The following BTNL3 variants were observed in gnomAD, a reference collection of about 807,000 sequenced individuals.
BTNL3 encodes the protein butyrophilin-like protein 3.
In BTNL3, 20 loss-of-function variants were observed where a neutral mutation model predicts 40.1. The observed-to-expected ratio is 0.50, with a 90% CI of 0.35 to 0.72. The LOEUF is 0.72. BTNL3 is among the 30% of genes least tolerant of loss of function. BTNL3 has a pLI of 0.01. For synonymous variants in BTNL3, 179 were observed against 222.1 expected (o/e 0.81, Z 1.73); for missense variants, 449 against 582.2 (o/e 0.77, Z 2.35).
intron 2 of BTNL3, among the ~76,000 whole-genome samples, chr5:180,994,358 T>G (rs1456555154): frequency 7.3e-6 from 1 of 137,608 alleles, no homozygotes; most frequent in Middle Eastern, 3.5e-3. Flanking sequence ...TTGCCAGATA[T>G]AGAATTTCTG....
intron 3 of BTNL3, among the ~76,000 whole-genome samples, chr5:181,002,341 C>T (rs1424846535): frequency 1.2e-5 from 1 of 81,196 alleles, no homozygotes; most frequent in East Asian, 3.4e-4. Context: ...CCTCATTAGA[C>T]ATAGACACAC....
chr5:181,004,030 T>G, intron 5 of BTNL3, 154 bp downstream of exon 5: 2 of 1,528,260 alleles, frequency 1.3e-6, no homozygotes, highest in Non-Finnish European at 1.8e-6. Flanking sequence ...CCACTGCTCA[T>G]GAGTTACCCC....
At chr5:181,005,289 C>T (rs753340237) in intron 7 of BTNL3, 45 bp from the exon 8 acceptor site, 6 of 1,601,900 alleles carry the variant, frequency 3.7e-6, no homozygotes, top group Middle Eastern at 2.3e-4. Context: ...GCCCAGATTT[C>T]GTCTTCAGTA....
rs2113091623 is a variant in BTNL3, at chr5:181,005,833, G to C, written c.1362G>C (p.Lys454Asn). 1.2e-6 allele frequency: 2 copies of C among 1,613,162 alleles called. No homozygotes were observed. Among genetic ancestry groups the C allele is most frequent in the East Asian group, 4.5e-5 (2 of 44,876 alleles). The change falls in exon 8 of 8, where the codon AAG becomes AAC. Residue 454 changes from lysine (K) to asparagine (N), a missense_variant. This residue lies in a region of BTNL3 where 126 missense variants were observed against 117.2 expected (regional missense o/e 1.07). Transcript: ENST00000342868. ...AGCATGCGATGTATGACGAGGAAAA[G>C]GGGACTCCCATATTCATATGTCCAG... ...YIQHAMYDEEKGTPIFICPVS... is the reference protein window; with the variant it reads ...YIQHAMYDEENGTPIFICPVS...
chr5:180,988,929 C>T lies in BTNL3; in HGVS notation c.-100C>T, dbSNP rs948824270. 84 of 1,278,132 alleles carry T rather than the reference C, an allele frequency of 6.6e-5. 20 individuals are homozygous for T. The highest frequency in any genetic ancestry group is 1.9e-4 in the Middle Eastern group (1 of 5,148). 79.2% of individuals were successfully genotyped at this position (1,278,132 alleles called of 1,614,324 possible). A position where few individuals can be genotyped will look rare whatever the true frequency, so the allele number is the denominator to read the frequency against. On this transcript the variant is annotated 5_prime_UTR_variant, in exon 1 of 8. In the 5' UTR this introduces an upstream ATG that the reference lacks. Coordinates refer to ENST00000342868, the MANE Select transcript of BTNL3 (RefSeq NM_197975.3). ...ACATCGTTCATGAAGAGCCTCTCCACGGCTCCTGCGCCTGAGACAGCTGGC... is the reference window on the plus strand; with the variant it reads ...ACATCGTTCATGAAGAGCCTCTCCATGGCTCCTGCGCCTGAGACAGCTGGC...
In BTNL3 at chr5:181,005,670, C is replaced by G. The variant is rs1760214558; in HGVS notation, c.1199C>G (p.Pro400Arg). 6.2e-7 allele frequency: 1 copy of G among 1,614,106 alleles called. No homozygotes were observed. Among genetic ancestry groups the G allele is most frequent in the Non-Finnish European group, 8.5e-7 (1 of 1,180,008 alleles). ...AATCCCCATTTTATCAGCCTCCCCCCCAGCACCCCTCCTACACGAGTAGGG... is the reference window on the plus strand; with the variant it reads ...AATCCCCATTTTATCAGCCTCCCCCGCAGCACCCCTCCTACACGAGTAGGG... The part of the protein sequence containing the change: ...TFNPHFISLP[P>R]STPPTRVGVF... Residue 400 changes from proline (P) to arginine (R), a missense_variant, in exon 8 of 8, where the codon CCC (proline) becomes CGC (arginine). Around this residue, in one of 2 missense-constraint regions of BTNL3, gnomAD observed 126 missense variants for 117.2 expected, o/e 1.07. Transcript: ENST00000342868.
intron 7 of BTNL3, 69 bp from the exon 8 acceptor site, chr5:181,005,265 G>A (rs1048565186): frequency 1.6e-5 from 25 of 1,592,052 alleles, no homozygotes; most frequent in African/African-American, 6.7e-5. Context: ...TGGGAGGGTC[G>A]ACCTCTTGCT....
chr5:180,993,869 C>T (rs1389445180), intron 2 of BTNL3, among the ~76,000 whole-genome samples: 1 of 136,924 alleles, frequency 7.3e-6, no homozygotes, highest in African/African-American at 2.5e-5. Context: ...GGTGTGATCT[C>T]AGCTCACTGC....
At chr5:181,004,376 C>T (rs1377295794) in intron 5 of BTNL3, 41 bp from the exon 6 acceptor site, 2 of 932,010 alleles carry the variant, frequency 2.1e-6, no homozygotes, top group East Asian at 5.1e-5. Flanking sequence ...TCTGTGACGT[C>T]AGCCTCTTAC....
intron 3 of BTNL3, 107 bp from the exon 4 acceptor site, chr5:181,002,565 T>A: frequency 9.7e-7 from 1 of 1,026,252 alleles, no homozygotes; most frequent in Non-Finnish European, 1.3e-6. Context: ...GTGGAAGAAA[T>A]GAGAGAAAAA....
chr5:181,002,260 G>A (rs1760123210), intron 3 of BTNL3, among the ~76,000 whole-genome samples: 1 of 128,122 alleles, frequency 7.8e-6, no homozygotes, highest in East Asian at 2.3e-4. Flanking sequence ...AGTGTGTAAA[G>A]CAAGGTCCAC....
Position 180,988,940 on chromosome 5 carries a change from C to T in BTNL3, c.-89C>T. 1 of 1,345,920 alleles carries T rather than the reference C, an allele frequency of 7.4e-7. No individual in the cohort carries two copies. The highest frequency in any genetic ancestry group is 1.0e-6 in the Non-Finnish European group (1 of 981,484). 83.4% of individuals were successfully genotyped at this position (1,345,920 alleles called of 1,614,324 possible). On this transcript the variant is annotated 5_prime_UTR_variant, in exon 1 of 8. Transcript: ENST00000342868. The stretch of plus-strand genomic sequence containing the variant: ...GAAGAGCCTCTCCACGGCTCCTGCG[C>T]CTGAGACAGCTGGCCTGACCTCCAA...
rs377047279 is a variant in BTNL3, at chr5:180,992,924, G to C, written c.161G>C (p.Arg54Pro). The C allele has an allele frequency of 3.4e-6, 5 of 1,463,006 alleles. 1 individual carries two copies. In the African/African-American group the frequency reaches 6.9e-5, roughly 20 times the overall value. The allele number at this position is 1,463,006 out of a possible 1,614,324, so 90.6% of individuals were successfully genotyped here. ...PETSAEAMEV[R>P]FFRNQFHAVV... Reference sequence around the variant, plus strand: ...ACCAGTGCAGAGGCTATGGAAGTGCGGTTCTTCAGGAATCAGTTCCATGCT... The same window carrying C: ...ACCAGTGCAGAGGCTATGGAAGTGCCGTTCTTCAGGAATCAGTTCCATGCT... Residue 54 changes from arginine to proline, a missense_variant, in exon 2 of 8, where the codon CGG (arginine) becomes CCG (proline). Arg to Pro is a moderately radical substitution (Grantham distance 103, BLOSUM62 -2). Around this residue, in one of 2 missense-constraint regions of BTNL3, gnomAD observed 323 missense variants for 464.9 expected, o/e 0.69. Coordinates refer to ENST00000342868, the MANE Select transcript of BTNL3 (RefSeq NM_197975.3).
chr5:181,005,504 G>A lies in BTNL3; in HGVS notation c.1033G>A (p.Val345Met). ...CCAAGCAGGGAAACATTACTGGGAG[G>A]TGGACGTGGGACAAAATGTAGGGTG... ...GFQAGKHYWE[V>M]DVGQNVGWYV... Residue 345 changes from valine to methionine, a missense_variant, in exon 8 of 8, where the codon GTG (valine) becomes ATG (methionine). Val to Met is a conservative substitution (Grantham distance 21, BLOSUM62 1). Coordinates refer to ENST00000342868, the MANE Select transcript of BTNL3 (RefSeq NM_197975.3). 1 of 1,614,176 alleles carries A rather than the reference G, an allele frequency of 6.2e-7. No individual in the cohort carries two copies. The highest frequency in any genetic ancestry group is 1.1e-5 in the South Asian group (1 of 91,084).
rs1258962246 is a variant in BTNL3 at position 181,005,459 on chromosome 5, G to A, written c.988G>A (p.Val330Met). Residue 330 changes from valine (V) to methionine (M), a missense_variant, in exon 8 of 8, where the codon GTG (valine) becomes ATG (methionine). Around this residue, in one of 2 missense-constraint regions of BTNL3, gnomAD observed 323 missense variants for 464.9 expected, o/e 0.69. Transcript: ENST00000342868. ...TGAGAAGAGATTTACAAGGAAGAGT[G>A]TGGTGGCTTCTCAGGGTTTCCAAGC... ...HSEKRFTRKS[V>M]VASQGFQAGK... The A allele has an allele frequency of 4.3e-6, 7 of 1,614,018 alleles. No individual in the cohort carries two copies. Among genetic ancestry groups the A allele is most frequent in the African/African-American group, 4.0e-5 (3 of 74,888 alleles).
At chr5:181,001,499 A>AG (rs1760107358) in intron 3 of BTNL3, among the ~76,000 whole-genome samples, 1 of 83,260 alleles carries the variant, frequency 1.2e-5, no homozygotes, top group Non-Finnish European at 2.5e-5. Flanking sequence ...ATTTTTATAG[A>AG]TGGGGGGGGG....
Position 180,997,301 on chromosome 5 carries a change from G to A in BTNL3, c.486G>A (p.Gln162=). 8 of 1,464,660 alleles carry A rather than the reference G, an allele frequency of 5.5e-6. 3 individuals carry two copies. Among genetic ancestry groups the A allele is most frequent in the Non-Finnish European group, 7.6e-6 (8 of 1,059,500 alleles). 90.7% of individuals were successfully genotyped at this position (1,464,660 alleles called of 1,614,324 possible). The part of the protein sequence containing the change: ...LLCLSSGWFP[Q]PTAKWKGPQG... ...GCCTGTCCTCAGGCTGGTTCCCCCA[G>A]CCCACAGCCAAGTGGAAAGGTCCAC... Residue 162 remains glutamine, a synonymous_variant, in exon 3 of 8, where the codon CAG becomes CAA. Coordinates refer to ENST00000342868, the MANE Select transcript of BTNL3 (RefSeq NM_197975.3).
chr5:180,996,344 CG>C (rs1760034425), intron 2 of BTNL3, among the ~76,000 whole-genome samples: 1 of 135,826 alleles, frequency 7.4e-6, no homozygotes, highest in East Asian at 2.2e-4. Flanking sequence ...AGTTGCATGG[CG>C]GGTCACTCTC....
In BTNL3 at chr5:181,001,804, C is replaced by G. The variant is rs1483047963; in HGVS notation, c.674-868C>G. On this transcript the variant is annotated intron_variant, in intron 3 of 7. Transcript: ENST00000342868. ...AGGTTGCAGTGAGCCGAGATCGCGCCACTGCACTCCTCCCTGGGCAACAGA... is the reference window on the plus strand; with the variant it reads ...AGGTTGCAGTGAGCCGAGATCGCGCGACTGCACTCCTCCCTGGGCAACAGA... 1.5e-5 allele frequency among the ~76,000 whole-genome samples: 2 copies of G among 134,492 alleles called. 1 individual carries two copies. 88.2% of individuals were successfully genotyped at this position (134,492 alleles called of 152,430 possible). A position where few individuals can be genotyped will look rare whatever the true frequency, so the allele number is the denominator to read the frequency against.
Sources: gnomAD v4.1 joint callset for allele counts (sites outside exome capture counted in the v4.1 genomes callset) on GRCh38, gnomAD v4.1.1 for gene constraint, gnomAD v4.1.1 regional missense constraint, MANE v1.5 for transcripts, NCBI Gene and HGNC (gene_info 2026-07-23, HGNC 2026-07-21) for gene names.